Variants in PRKAG2 observed in about 807,000 individuals in gnomAD.
The protein encoded by PRKAG2 is 5'-AMP-activated protein kinase subunit gamma-2.
In PRKAG2, 26 loss-of-function variants were observed where a neutral mutation model predicts 69.6. The observed-to-expected ratio is 0.37, with a 90% CI of 0.27 to 0.52. PRKAG2 has a LOEUF of 0.52. PRKAG2 is among the 20% of genes least tolerant of loss of function. The probability of loss-of-function intolerance (pLI) is 0.90; values close to 1 mark genes in which losing one functional copy is unlikely to be tolerated. For synonymous variants in PRKAG2, 293 were observed against 285.0 expected (o/e 1.03, Z -0.28); for missense variants, 557 against 740.0 (o/e 0.75, Z 2.87).
At chr7:151,576,952 A>G (rs1809091560) in intron 6 of PRKAG2, among the ~76,000 whole-genome samples, 1 of 149,262 alleles carries the variant, frequency 6.7e-6, no homozygotes. Flanking sequence ...ATTAGAAATT[A>G]TTTTTTGAAA....
intron 1 of PRKAG2, among the ~76,000 whole-genome samples, chr7:151,795,895 A>G (rs2077510221): frequency 7.7e-6 from 1 of 129,054 alleles, no homozygotes; most frequent in Admixed American, 8.1e-5. Context: ...ATATATCACG[A>G]TAATATGTAT....
chr7:151,620,016 G>A (rs535718713), intron 5 of PRKAG2, among the ~76,000 whole-genome samples: 70 of 151,992 alleles, frequency 4.6e-4, no homozygotes, highest in Non-Finnish European at 8.4e-4. Flanking sequence ...GCGAGACTCC[G>A]TCTCAAAAAT....
chr7:151,586,593 C>G (rs1811737423), intron 6 of PRKAG2, among the ~76,000 whole-genome samples: 1 of 152,198 alleles, frequency 6.6e-6, no homozygotes, highest in Non-Finnish European at 1.5e-5. Flanking sequence ...GACAGGTGCT[C>G]TCCGCAACTA....
chr7:151,824,977 A>T lies in PRKAG2; in HGVS notation c.115-38436T>A, dbSNP rs1374243089. On this transcript the variant is annotated intron_variant, in intron 1 of 15. Coordinates refer to ENST00000287878, the MANE Select transcript of PRKAG2 (RefSeq NM_016203.4). ...GCCTGCAGCCCTAGCACTTCGGGAG[A>T]CTGAGGCGGGCGGATCACGAGGTCA... Among the ~76,000 whole-genome samples the T allele has an allele frequency of 2.0e-5, 3 of 152,118 alleles. No homozygotes were observed. In the East Asian group the frequency reaches 5.8e-4, roughly 29 times the overall value.
At chr7:151,731,985 A>G (rs546112595) in intron 3 of PRKAG2, among the ~76,000 whole-genome samples, 1 of 152,124 alleles carries the variant, frequency 6.6e-6, no homozygotes, top group South Asian at 2.1e-4. Flanking sequence ...CTACAGGTGC[A>G]CACAACCACA....
chr7:151,668,501 C>T (rs1242530361), intron 4 of PRKAG2, among the ~76,000 whole-genome samples: 2 of 152,164 alleles, frequency 1.3e-5, no homozygotes, highest in East Asian at 3.8e-4. Context: ...CTCTGGTGCA[C>T]CCAGCTGCTG....
intron 3 of PRKAG2, among the ~76,000 whole-genome samples, chr7:151,741,002 CT>C (rs1180340625): frequency 5.3e-5 from 8 of 152,186 alleles, no homozygotes; most frequent in South Asian, 2.1e-4. Context: ...GTTTAGATGT[CT>C]TTTTTTCTTT....
intron 3 of PRKAG2, among the ~76,000 whole-genome samples, chr7:151,759,650 C>G (rs79788256): frequency 0.019 from 2,873 of 152,292 alleles, 92 homozygotes; most frequent in African/African-American, 0.064. Context: ...CAGGCAGGAA[C>G]GATACCTGCT....
intron 1 of PRKAG2, among the ~76,000 whole-genome samples, chr7:151,831,797 G>A (rs530021569): frequency 2.0e-5 from 3 of 152,262 alleles, no homozygotes; most frequent in Admixed American, 6.5e-5. Flanking sequence ...GCTGTGTCCC[G>A]GTCAGGTGCT....
chr7:151,825,519 A>G (rs1327206506), intron 1 of PRKAG2, among the ~76,000 whole-genome samples: 1 of 152,224 alleles, frequency 6.6e-6, no homozygotes, highest in Non-Finnish European at 1.5e-5. Context: ...TTTAACATGC[A>G]CTGGCCGCTC....
chr7:151,772,552 G>A (rs1430830167), intron 3 of PRKAG2, among the ~76,000 whole-genome samples: 4 of 152,308 alleles, frequency 2.6e-5, no homozygotes, highest in Non-Finnish European at 5.9e-5. Context: ...GGCAAGAAAG[G>A]CTGTGGATAT....
intron 3 of PRKAG2, among the ~76,000 whole-genome samples, chr7:151,766,574 G>A (rs542839621): frequency 6.6e-6 from 1 of 152,348 alleles, no homozygotes; most frequent in South Asian, 2.1e-4. Flanking sequence ...TTGGAACACT[G>A]GCTCAGGCCA....
At chr7:151,755,610 CCTG>C (rs1460801593) in intron 3 of PRKAG2, among the ~76,000 whole-genome samples, 1 of 152,198 alleles carries the variant, frequency 6.6e-6, no homozygotes, top group East Asian at 1.9e-4. Context: ...CTGCTGGCCA[CCTG>C]CTTTTATAAA....
intron 3 of PRKAG2, among the ~76,000 whole-genome samples, chr7:151,703,845 AACACACACACACACACACACAC>A (rs535818189): frequency 0.018 from 1,600 of 88,538 alleles, 19 homozygotes; most frequent in African/African-American, 0.029. Flanking sequence ...TTTACTGGAA[AACACACACACACACACACACAC>A]ACACACACAC....
At position 151,771,096 on chromosome 7, in the gene PRKAG2, G is replaced by C. The variant is rs2076000515; in HGVS notation, c.466+10056C>G. ...TTACAAAAATAACCAGCCCTCCTCT[G>C]TTCCTTACTTCAGGCTCTAAGATCT... On this transcript the variant is annotated intron_variant, in intron 3 of 15. Transcript: ENST00000287878. The surrounding 1 kb of genome is among the most constrained non-coding windows in gnomAD (Gnocchi z 4.0). Among the ~76,000 whole-genome samples the C allele has an allele frequency of 6.6e-6, 1 of 152,170 alleles. No individual in the cohort carries two copies. Among genetic ancestry groups the C allele is most frequent in the African/African-American group, 2.4e-5 (1 of 41,440 alleles).
intron 3 of PRKAG2, among the ~76,000 whole-genome samples, chr7:151,700,707 G>A (rs541828833): frequency 3.2e-4 from 49 of 152,204 alleles, no homozygotes; most frequent in East Asian, 5.8e-4. Context: ...GGCTATCTCC[G>A]CCACGCGTCC....
intron 1 of PRKAG2, among the ~76,000 whole-genome samples, chr7:151,834,914 C>T (rs938395539): frequency 2.6e-5 from 4 of 152,212 alleles, no homozygotes; most frequent in East Asian, 1.9e-4. Flanking sequence ...CTGCCAGCTA[C>T]GGGTGGCTGC....
At chr7:151,701,767 C>T (rs559553969) in intron 3 of PRKAG2, among the ~76,000 whole-genome samples, 79 of 149,466 alleles carry the variant, frequency 5.3e-4, no homozygotes, top group African/African-American at 1.7e-3. Context: ...GGCGTGAACC[C>T]GTGAAGCGGG....
intron 3 of PRKAG2, among the ~76,000 whole-genome samples, chr7:151,721,523 C>T (rs1234170442): frequency 6.6e-6 from 1 of 152,170 alleles, no homozygotes; most frequent in Non-Finnish European, 1.5e-5. Flanking sequence ...CCAGCCACCT[C>T]CCACAGGAGG....
Sources: gnomAD v4.1 joint callset for allele counts (sites outside exome capture counted in the v4.1 genomes callset) on GRCh38, gnomAD v4.1.1 for gene constraint, Gnocchi (gnomAD v3.1) non-coding constraint, MANE v1.5 for transcripts, NCBI Gene and HGNC (gene_info 2026-07-23, HGNC 2026-07-21) for gene names.